The following EXOSC2 variants were observed in gnomAD, a reference collection of about 807,000 sequenced individuals.
The protein encoded by EXOSC2 is exosome complex component RRP4.
Under a neutral mutation model 37.6 loss-of-function variants are expected in EXOSC2, and 29 were observed. That is an observed-to-expected ratio of 0.77 (90% CI 0.57 to 1.05). The LOEUF (loss-of-function observed/expected upper bound fraction) is 1.05, where lower values mean the gene tolerates loss of function less well. EXOSC2 is among the 50% of genes least tolerant of loss of function. The probability of loss-of-function intolerance (pLI) is 0.00; values close to 1 mark genes in which losing one functional copy is unlikely to be tolerated. For synonymous variants in EXOSC2, 119 were observed against 131.1 expected, an observed-to-expected ratio of 0.91 and a Z score of 0.63; for missense variants, 346 against 365.6, an observed-to-expected ratio of 0.95 and a Z score of 0.44.
intron 2 of EXOSC2, among the ~76,000 whole-genome samples, chr9:130,696,253 C>T (rs1194453304): frequency 1.3e-5 from 2 of 152,088 alleles, no homozygotes; most frequent in Non-Finnish European, 2.9e-5. Context: ...AAGGTTAGCC[C>T]CAGAAAGCAA....
At chr9:130,697,985 G>T in intron 3 of EXOSC2, 177 bp from the exon 4 acceptor site, 1 of 588,718 alleles carries the variant, frequency 1.7e-6, no homozygotes, top group Non-Finnish European at 3.0e-6. Context: ...GTAGAGATGG[G>T]GTTTCATTAT....
chr9:130,697,247 CT>C (rs759994301), intron 2 of EXOSC2, among the ~76,000 whole-genome samples: 5 of 152,210 alleles, frequency 3.3e-5, no homozygotes, highest in Non-Finnish European at 5.9e-5. Flanking sequence ...TTTCCTTTCT[CT>C]TCCTTTGGCT....
At chr9:130,695,443 A>G (rs1831071228) in intron 1 of EXOSC2, 49 bp from the exon 2 acceptor site, 1 of 1,521,066 alleles carries the variant, frequency 6.6e-7, no homozygotes, top group Admixed American at 1.7e-5. Context: ...GAGAGAAGTC[A>G]TTTCGAGTTA....
At chr9:130,697,881 C>T (rs1276840206) in intron 3 of EXOSC2, 4 of 541,154 alleles carry the variant, frequency 7.4e-6, no homozygotes, top group South Asian at 2.1e-5. Flanking sequence ...GCAACCTCCA[C>T]CTCCCAGGTT....
intron 6 of EXOSC2, chr9:130,701,304 A>G (rs899737635): frequency 3.9e-5 from 8 of 204,336 alleles, no homozygotes; most frequent in Non-Finnish European, 7.0e-5. Flanking sequence ...GGTCTGGTTA[A>G]ACAGCCCTTA....
At position 130,698,785 on chromosome 9, in the gene EXOSC2, G is replaced by A. The variant is rs573678178; in HGVS notation, c.360+534G>A. On this transcript the variant is annotated intron_variant, in intron 4 of 8. Transcript: ENST00000372358. This position sits in a 1 kb window ranked among gnomAD's most constrained non-coding sequence, Gnocchi z 4.1. ...AAGCTCTGTGCCGAGTGCCAAGCAC[G>A]ATTGAGTTCCCCAGCAGGGGATATA... 3.3e-5 allele frequency among the ~76,000 whole-genome samples: 5 copies of A among 152,290 alleles called. No individual in the cohort carries two copies. In the South Asian group the frequency reaches 1.0e-3, roughly 32 times the overall value.
chr9:130,701,156 T>G (rs1327427431), intron 6 of EXOSC2: 2 of 465,654 alleles, frequency 4.3e-6, no homozygotes, highest in Non-Finnish European at 7.8e-6. Flanking sequence ...AGTTTTATCC[T>G]TTTTCTCCAA....
At chr9:130,696,474 G>C (rs1564255518) in intron 2 of EXOSC2, among the ~76,000 whole-genome samples, 1 of 152,162 alleles carries the variant, frequency 6.6e-6, no homozygotes, top group Admixed American at 6.6e-5. Context: ...GAGATTGAAG[G>C]GGGATAGGGC....
At position 130,698,227 on chromosome 9, in the gene EXOSC2, C is replaced by T. The variant is rs758105471; in HGVS notation, c.336C>T (p.Ser112=). 1 of 1,614,000 alleles carries T rather than the reference C, an allele frequency of 6.2e-7. No individual in the cohort carries two copies. Among genetic ancestry groups the T allele is most frequent in the African/African-American group, 1.3e-5 (1 of 74,926 alleles). The change falls in exon 4 of 9, where the codon TCC becomes TCT. Residue 112 remains serine, a synonymous_variant. Coordinates refer to ENST00000372358, the MANE Select transcript of EXOSC2 (RefSeq NM_014285.7). This position sits in a 1 kb window ranked among gnomAD's most constrained non-coding sequence, Gnocchi z 4.1. ...SRLDSVLLLS[S]MNLPGGELRR... is the part of the protein sequence containing the mutation. Reference sequence around the variant, plus strand: ...TGGATTCGGTCTTGCTGCTCTCGTCCATGAACCTTCCTGGAGGAGAGCTGG... The same window carrying T: ...TGGATTCGGTCTTGCTGCTCTCGTCTATGAACCTTCCTGGAGGAGAGCTGG...
At chr9:130,697,690 A>G in intron 3 of EXOSC2, 63 bp downstream of exon 3, 3 of 1,465,290 alleles carry the variant, frequency 2.0e-6, no homozygotes, top group Non-Finnish European at 2.9e-6. Flanking sequence ...CATTCATGGG[A>G]CAGTCATTCC....
In EXOSC2 at chr9:130,693,831, C is replaced by A; in HGVS notation, c.40C>A (p.Leu14Ile). The change falls in exon 1 of 9, where the codon CTT becomes ATT. Residue 14 changes from leucine (L) to isoleucine (I), a missense_variant. By Grantham distance (5) the Leu-to-Ile change is conservative (BLOSUM62 2). Coordinates refer to ENST00000372358, the MANE Select transcript of EXOSC2 (RefSeq NM_014285.7). ...EMRLPVARKP[L>I]SERLGRDTKK... ...GAGGCTTCCAGTGGCTCGCAAGCCT[C>A]TTAGCGAGAGACTGGGCCGCGACAC... 6.2e-7 allele frequency: 1 copy of A among 1,610,914 alleles called. No individual in the cohort carries two copies. Among genetic ancestry groups the A allele is most frequent in the African/African-American group, 1.3e-5 (1 of 74,862 alleles).
Position 130,693,871 on chromosome 9 carries a change from TGGTGCCGGG to T in EXOSC2, c.83_91del (p.Val28_Gly30del). 1 of 1,612,482 alleles carries T rather than the reference TGGTGCCGGG, an allele frequency of 6.2e-7. No homozygotes were observed. Among genetic ancestry groups the T allele is most frequent in the Non-Finnish European group, 8.5e-7 (1 of 1,178,912 alleles). The stretch of plus-strand genomic sequence containing the variant: ...GGCCGCGACACTAAGAAACATCTAG[TGGTGCCGGG>T]GGATACAATCACTACGGACACAGGA... On this transcript the variant is annotated inframe_deletion, in exon 1 of 9. Transcript: ENST00000372358.
rs1214123474 is a variant in EXOSC2 at position 130,704,003 on chromosome 9, A to G, written c.*229A>G. 1.5e-5 allele frequency: 6 copies of G among 389,132 alleles called. No homozygotes were observed. In the East Asian group the frequency reaches 2.0e-4, roughly 13 times the overall value. 24.1% of individuals were successfully genotyped at this position (389,132 alleles called of 1,614,324 possible). On this transcript the variant is annotated 3_prime_UTR_variant, in exon 9 of 9. Transcript: ENST00000372358. ...TGCCAGCTGAGTCCCGGTATTAGGG[A>G]ATAGTTTCAGCTCTTTCAAAGTGCA...
chr9:130,700,665 C>A (rs1010848800), intron 5 of EXOSC2, among the ~76,000 whole-genome samples: 4 of 151,962 alleles, frequency 2.6e-5, no homozygotes, highest in Non-Finnish European at 1.5e-5. Flanking sequence ...GGCCTTCTGT[C>A]TGTATTTTTA....
At position 130,693,816 on chromosome 9, in the gene EXOSC2, G is replaced by C; in HGVS notation, c.25G>C (p.Val9Leu). Residue 9 changes from valine to leucine, a missense_variant, in exon 1 of 9, where the codon GTG becomes CTG. Val to Leu is a conservative substitution (Grantham distance 32, BLOSUM62 1). Transcript: ENST00000372358. ...GATGGCGATGGAGATGAGGCTTCCAGTGGCTCGCAAGCCTCTTAGCGAGAG... is the reference window on the plus strand; with the variant it reads ...GATGGCGATGGAGATGAGGCTTCCACTGGCTCGCAAGCCTCTTAGCGAGAG... MAMEMRLPVARKPLSERLG... is the reference protein window; with the variant it reads MAMEMRLPLARKPLSERLG... The C allele has an allele frequency of 6.2e-7, 1 of 1,609,528 alleles. No individual in the cohort carries two copies. Among genetic ancestry groups the C allele is most frequent in the Non-Finnish European group, 8.5e-7 (1 of 1,177,234 alleles).
intron 6 of EXOSC2, 41 bp from the exon 7 acceptor site, chr9:130,702,093 C>G: frequency 6.3e-7 from 1 of 1,597,676 alleles, no homozygotes; most frequent in South Asian, 1.1e-5. Context: ...ATTCATCCCG[C>G]CAATCTTGCA....
chr9:130,696,311 T>C (rs1831096391), intron 2 of EXOSC2, among the ~76,000 whole-genome samples: 1 of 152,178 alleles, frequency 6.6e-6, no homozygotes, highest in Non-Finnish European at 1.5e-5. Flanking sequence ...AAGGGGCAGA[T>C]GTAAGCAGAG....
At chr9:130,702,580 T>TG (rs1831241157) in intron 7 of EXOSC2, among the ~76,000 whole-genome samples, 3 of 105,656 alleles carry the variant, frequency 2.8e-5, no homozygotes, top group South Asian at 3.1e-4. Flanking sequence ...TTTTTCTGTT[T>TG]TTTTGTTTGT....
At position 130,698,905 on chromosome 9, in the gene EXOSC2, C is replaced by T. The variant is rs962359974; in HGVS notation, c.361-424C>T. Among the ~76,000 whole-genome samples, 3 of 152,132 alleles carry T rather than the reference C, an allele frequency of 2.0e-5. No individual in the cohort carries two copies. The highest frequency in any genetic ancestry group is 6.6e-5 in the Admixed American group (1 of 15,256). ...GAGAGAAGCTTGTAGGAAAGACAGG[C>T]ATTGGAGTTGATCCTGGAAGGATGG... On this transcript the variant is annotated intron_variant, in intron 4 of 8. Transcript: ENST00000372358. This position sits in a 1 kb window ranked among gnomAD's most constrained non-coding sequence, Gnocchi z 4.1.
Sources: gnomAD v4.1 joint callset for allele counts (sites outside exome capture counted in the v4.1 genomes callset) on GRCh38, gnomAD v4.1.1 for gene constraint, Gnocchi (gnomAD v3.1) non-coding constraint, MANE v1.5 for transcripts, NCBI Gene and HGNC (gene_info 2026-07-23, HGNC 2026-07-21) for gene names.